PATZ1: variants seen among roughly 807,000 people sequenced by gnomAD.
The protein encoded by PATZ1 is POZ-, AT hook-, and zinc finger-containing protein 1.
In PATZ1, 9 loss-of-function variants were observed where a neutral mutation model predicts 46.2. The observed-to-expected ratio is 0.19, with a 90% CI of 0.12 to 0.34. PATZ1 has a LOEUF of 0.34. Ranked by LOEUF, PATZ1 falls within the 10% of genes least tolerant of loss-of-function variation. The pLI, the probability that PATZ1 is intolerant of heterozygous loss-of-function variation, is 1.00. For missense variants in PATZ1, 632 were observed against 923.0 expected (o/e 0.68, Z 4.08); for synonymous variants, 426 against 378.6 (o/e 1.13, Z -1.45).
rs761809854 is a variant in PATZ1, at chr22:31,344,724, T to A, written c.879A>T (p.Pro293=). The A allele has an allele frequency of 1.2e-5, 19 of 1,611,508 alleles. No homozygotes were observed. Among genetic ancestry groups the A allele is most frequent in the Non-Finnish European group, 2.5e-6 (3 of 1,178,392 alleles). Residue 293 remains proline, a synonymous_variant, in exon 1 of 5, where the codon CCA becomes CCT. Coordinates refer to ENST00000266269, the MANE Select transcript of PATZ1 (RefSeq NM_014323.3). ...TGAACACCTTACCACATAGACCGCATGGAAGGATGCCTGCCTCCCTCAGGC... is the reference window on the plus strand; with the variant it reads ...TGAACACCTTACCACATAGACCGCAAGGAAGGATGCCTGCCTCCCTCAGGC... The part of the protein sequence containing the change: ...PGGLREAGIL[P]CGLCGKVFTD...
At position 31,326,865 on chromosome 22, in the gene PATZ1, G is replaced by T. The variant is rs1348287453; in HGVS notation, c.*26C>A. ...ATTTCCCAGCAGTCCCCAGATGGTTGTTTCCGTGGGGACACAGCAGCTGCC... is the reference window on the plus strand; with the variant it reads ...ATTTCCCAGCAGTCCCCAGATGGTTTTTTCCGTGGGGACACAGCAGCTGCC... On this transcript the variant is annotated 3_prime_UTR_variant, in exon 5 of 5. Coordinates refer to ENST00000266269, the MANE Select transcript of PATZ1 (RefSeq NM_014323.3). 2 of 1,582,746 alleles carry T rather than the reference G, an allele frequency of 1.3e-6. No individual in the cohort carries two copies. The highest frequency in any genetic ancestry group is 2.2e-5 in the East Asian group (1 of 44,564).
At position 31,327,553 on chromosome 22, in the gene PATZ1, T is replaced by G. The variant is rs150990749; in HGVS notation, c.1646-244A>C. On this transcript the variant is annotated intron_variant, in intron 4 of 4. Transcript: ENST00000266269. This position sits in a 1 kb window ranked among gnomAD's most constrained non-coding sequence, Gnocchi z 4.2. Reference sequence around the variant, plus strand: ...TGTGGACTCTTCATGCAGCTGCACATGTACTGCTCACCGTCATCTCAGCCT... The same window carrying G: ...TGTGGACTCTTCATGCAGCTGCACAGGTACTGCTCACCGTCATCTCAGCCT... 9.3e-3 allele frequency among the ~76,000 whole-genome samples: 1,417 copies of G among 152,202 alleles called. 8 individuals are homozygous for G. Among genetic ancestry groups the G allele is most frequent in the Middle Eastern group, 0.024 (7 of 292 alleles).
chr22:31,340,869 C>A, intron 2 of PATZ1: 1 of 1,063,182 alleles, frequency 9.4e-7, no homozygotes, highest in Non-Finnish European at 1.1e-6. Flanking sequence ...TAATAAACCT[C>A]AAAAACACAA....
At position 31,345,628 on chromosome 22, in the gene PATZ1, G is replaced by A. The variant is rs371454168; in HGVS notation, c.-26C>T. On this transcript the variant is annotated 5_prime_UTR_variant, in exon 1 of 5. Coordinates refer to ENST00000266269, the MANE Select transcript of PATZ1 (RefSeq NM_014323.3). This position sits in a 1 kb window ranked among gnomAD's most constrained non-coding sequence, Gnocchi z 7.4. The stretch of plus-strand genomic sequence containing the variant: ...GGCCGCCGCCCCCTCCCACTAGCCC[G>A]GCCGCTGCACCTGCCCGCCCCCTCC... The A allele has an allele frequency of 7.1e-6, 11 of 1,560,006 alleles. No individual in the cohort carries two copies. In the African/African-American group the frequency reaches 8.1e-5, roughly 12 times the overall value.
At chr22:31,343,841 A>T (rs1359487826) in intron 1 of PATZ1, among the ~76,000 whole-genome samples, 1 of 152,172 alleles carries the variant, frequency 6.6e-6, no homozygotes, top group Non-Finnish European at 1.5e-5. Flanking sequence ...GGGTGGTGTG[A>T]GAGGCACAGC....
chr22:31,335,435 A>G (rs1271148999), intron 3 of PATZ1: 1 of 449,180 alleles, frequency 2.2e-6, no homozygotes, highest in Non-Finnish European at 4.0e-6. Context: ...TATGGGCCCA[A>G]GCTTGGGAAG....
chr22:31,345,914 GCCCCTCCTGCAAACGCGCCTGCCACCT>G lies in PATZ1; in HGVS notation c.-339_-313del, dbSNP rs989367100. The G allele has an allele frequency of 1.9e-5, 6 of 322,066 alleles. No individual in the cohort carries two copies. Among genetic ancestry groups the G allele is most frequent in the African/African-American group, 1.3e-4 (6 of 47,224 alleles). The allele number at this position is 322,066 out of a possible 1,614,324, so 20.0% of individuals were successfully genotyped here. A position where few individuals can be genotyped will look rare whatever the true frequency, so the allele number is the denominator to read the frequency against. ...GGGGGGTGCGCGAGCGAAGAGGTGC[GCCCCTCCTGCAAACGCGCCTGCCACCT>G]CCCCTCCCGCCCGCCAGGCGGCGCC... On this transcript the variant is annotated 5_prime_UTR_variant, in exon 1 of 5. Transcript: ENST00000266269. The surrounding 1 kb of genome is among the most constrained non-coding windows in gnomAD (Gnocchi z 7.4).
rs1246095839 is a variant in PATZ1, at chr22:31,345,074, G to T, written c.529C>A (p.Pro177Thr). 1.9e-6 allele frequency: 3 copies of T among 1,614,188 alleles called. No homozygotes were observed. Among genetic ancestry groups the T allele is most frequent in the Non-Finnish European group, 1.7e-6 (2 of 1,180,028 alleles). Reference sequence around the variant, plus strand: ...AAGCCCAAGTCCGAGGTCCCAGGGGGGCGAAAGAGCATTATATCGGCGCGG... The same window carrying T: ...AAGCCCAAGTCCGAGGTCCCAGGGGTGCGAAAGAGCATTATATCGGCGCGG... ...PARADIMLFR[P>T]PGTSDLGFPL... The change falls in exon 1 of 5, where the codon CCC (proline) becomes ACC (threonine). Residue 177 changes from proline to threonine, a missense_variant. Around this residue, in one of 7 missense-constraint regions of PATZ1, gnomAD observed 279 missense variants for 284.3 expected, o/e 0.98. Transcript: ENST00000266269. The surrounding 1 kb of genome is among the most constrained non-coding windows in gnomAD (Gnocchi z 7.4).
In PATZ1 at chr22:31,328,664, ATC is replaced by A; in HGVS notation, c.1645+121_1645+122del. 1 of 834,448 alleles carries A rather than the reference ATC, an allele frequency of 1.2e-6. No individual in the cohort carries two copies. The highest frequency in any genetic ancestry group is 1.4e-5 in the South Asian group (1 of 69,078). The allele number at this position is 834,448 out of a possible 1,614,324, so 51.7% of individuals were successfully genotyped here. On this transcript the variant is annotated intron_variant, in intron 4 of 4. Transcript: ENST00000266269. The surrounding 1 kb of genome is among the most constrained non-coding windows in gnomAD (Gnocchi z 4.8). Reference sequence around the variant, plus strand: ...TGTCCTGGAGGCCACTGCCACTCAGATCTCTGAGTCTCCTCAAGGCAGCCAGA... The same window carrying A: ...TGTCCTGGAGGCCACTGCCACTCAGATCTGAGTCTCCTCAAGGCAGCCAGA...
At chr22:31,342,104 G>C (rs2049589982) in intron 2 of PATZ1, among the ~76,000 whole-genome samples, 1 of 152,146 alleles carries the variant, frequency 6.6e-6, no homozygotes, top group Admixed American at 6.6e-5. Context: ...ACTTGGCATG[G>C]GAGAGGGGAG....
At position 31,344,993 on chromosome 22, in the gene PATZ1, C is replaced by T. The variant is rs939636305; in HGVS notation, c.610G>A (p.Gly204Ser). The T allele has an allele frequency of 1.9e-6, 3 of 1,613,916 alleles. No homozygotes were observed. Among genetic ancestry groups the T allele is most frequent in the African/African-American group, 2.7e-5 (2 of 74,952 alleles). The change falls in exon 1 of 5, where the codon GGC (glycine) becomes AGC (serine). Residue 204 changes from glycine to serine, a missense_variant. Gly to Ser is a moderately conservative substitution (Grantham distance 56). Coordinates refer to ENST00000266269, the MANE Select transcript of PATZ1 (RefSeq NM_014323.3). Reference protein sequence around the residue: ...ALAANSNGIAGSMQPEEEAAR... With the variant: ...ALAANSNGIASSMQPEEEAAR... ...GCCTCCTCCTCTGGCTGCATGCTGC[C>T]GGCGATGCCATTGCTGTTGGCTGCC...
rs537072215 is a variant in PATZ1 at position 31,342,608 on chromosome 22, G to A, written c.1335+289C>T. Among the ~76,000 whole-genome samples the A allele has an allele frequency of 2.6e-5, 4 of 152,282 alleles. No homozygotes were observed. In the South Asian group the frequency reaches 8.3e-4, roughly 32 times the overall value. ...CTGTGTGATACGGCCCACCATCCAA[G>A]GAGCCGGCAAACACCAGGAGAGGAA... On this transcript the variant is annotated intron_variant, in intron 2 of 4. Transcript: ENST00000266269.
At chr22:31,343,039 C>A (rs990563072) in intron 1 of PATZ1, 79 bp from the exon 2 acceptor site, 3 of 1,103,372 alleles carry the variant, frequency 2.7e-6, no homozygotes, top group South Asian at 1.6e-5. Flanking sequence ...TACGTGTGTA[C>A]ACACACACAC....
In PATZ1 at chr22:31,344,535, A is replaced by G; in HGVS notation, c.1068T>C (p.Ala356=). Residue 356 remains alanine, a synonymous_variant, in exon 1 of 5, where the codon GCT becomes GCC. Coordinates refer to ENST00000266269, the MANE Select transcript of PATZ1 (RefSeq NM_014323.3). ...GGAAGATCTTGCCGCAGATCTCACAAGCCACCTGCTTCCTGGTCCGGCTCC... is the reference window on the plus strand; with the variant it reads ...GGAAGATCTTGCCGCAGATCTCACAGGCCACCTGCTTCCTGGTCCGGCTCC... The part of the protein sequence containing the change: ...RKRSRTRKQV[A]CEICGKIFRD... 6.2e-7 allele frequency: 1 copy of G among 1,614,206 alleles called. No homozygotes were observed. The highest frequency in any genetic ancestry group is 8.5e-7 in the Non-Finnish European group (1 of 1,180,024).
intron 2 of PATZ1, among the ~76,000 whole-genome samples, chr22:31,340,472 G>A (rs992578702): frequency 1.3e-5 from 2 of 152,190 alleles, no homozygotes; most frequent in African/African-American, 4.8e-5. Context: ...GGCACACCTG[G>A]CTGGCCAGCC....
Position 31,328,896 on chromosome 22 carries a change from G to C in PATZ1, c.1536C>G (p.Val512=). Residue 512 remains valine (V), a synonymous_variant, in exon 4 of 5, where the codon GTC becomes GTG. Transcript: ENST00000266269. The surrounding 1 kb of genome is among the most constrained non-coding windows in gnomAD (Gnocchi z 4.8). ...RGFSSASYLK[V]HVKTHHGVPL... ...GAACACCGTGGTGGGTTTTAACATGGACCTTTAAGTAGGAGGCAGAGGAGA... is the reference window on the plus strand; with the variant it reads ...GAACACCGTGGTGGGTTTTAACATGCACCTTTAAGTAGGAGGCAGAGGAGA... 2 of 1,614,134 alleles carry C rather than the reference G, an allele frequency of 1.2e-6. No individual in the cohort carries two copies. The highest frequency in any genetic ancestry group is 1.7e-6 in the Non-Finnish European group (2 of 1,180,022).
At position 31,345,549 on chromosome 22, in the gene PATZ1, C is replaced by T; in HGVS notation, c.54G>A (p.Gln18=). ...GCATCTCCGTGCTGTGTCTGCTCAC[C>T]TGGTATGTGTAGCAGCCAGACGGGC... ...SCGPSGCYTY[Q]VSRHSTEMLH... The change falls in exon 1 of 5, where the codon CAG becomes CAA. Residue 18 remains glutamine, a synonymous_variant. Transcript: ENST00000266269. The surrounding 1 kb of genome is among the most constrained non-coding windows in gnomAD (Gnocchi z 7.4). The T allele has an allele frequency of 6.2e-7, 1 of 1,612,468 alleles. No homozygotes were observed. The highest frequency in any genetic ancestry group is 8.5e-7 in the Non-Finnish European group (1 of 1,179,328).
At chr22:31,341,944 G>C (rs1196007278) in intron 2 of PATZ1, among the ~76,000 whole-genome samples, 2 of 152,174 alleles carry the variant, frequency 1.3e-5, no homozygotes, top group African/African-American at 4.8e-5. Context: ...ACCCCCAGGG[G>C]CTCTGCCCTA....
chr22:31,328,242 C>T lies in PATZ1; in HGVS notation c.1645+545G>A, dbSNP rs556022184. Among the ~76,000 whole-genome samples, 23 of 152,192 alleles carry T rather than the reference C, an allele frequency of 1.5e-4. No individual in the cohort carries two copies. The highest frequency in any genetic ancestry group is 2.6e-4 in the Non-Finnish European group (18 of 68,034). On this transcript the variant is annotated intron_variant, in intron 4 of 4. Transcript: ENST00000266269. The surrounding 1 kb of genome is among the most constrained non-coding windows in gnomAD (Gnocchi z 4.8). ...CTGGGGAGCTTTCTGCAAACCAACTCCCAAGTCAGAGGAGTCAGATAGCTC... is the reference window on the plus strand; with the variant it reads ...CTGGGGAGCTTTCTGCAAACCAACTTCCAAGTCAGAGGAGTCAGATAGCTC...
Sources: gnomAD v4.1 joint callset for allele counts (sites outside exome capture counted in the v4.1 genomes callset) on GRCh38, gnomAD v4.1.1 for gene constraint, gnomAD v4.1.1 regional missense constraint, Gnocchi (gnomAD v3.1) non-coding constraint, MANE v1.5 for transcripts, NCBI Gene and HGNC (gene_info 2026-07-23, HGNC 2026-07-21) for gene names.